Variants in ZNF790 observed in about 807,000 individuals in gnomAD.
The protein encoded by ZNF790 is zinc finger protein 790.
ZNF790 carries 8 observed loss-of-function variants against 12.1 expected under a neutral mutation model. The ratio of observed to expected loss-of-function variants is 0.66; its 90% CI spans 0.39 to 1.19. The LOEUF (loss-of-function observed/expected upper bound fraction) is 1.19. Among genes scored for constraint, ZNF790 ranks in the 50% most tolerant of loss-of-function variants. The pLI is 0.01. For missense variants in ZNF790, 707 were observed against 752.2 expected (o/e 0.94, Z 0.70); for synonymous variants, 252 against 244.3 (o/e 1.03, Z -0.29).
At chr19:36,846,237 T>C (rs962199678) in intron 1 of ZNF790, among the ~76,000 whole-genome samples, 1 of 152,166 alleles carries the variant, frequency 6.6e-6, no homozygotes, top group African/African-American at 2.4e-5. Flanking sequence ...ATTTTCCTAG[T>C]GCCTAGAATA....
At chr19:36,841,657 G>A (rs568757599), upstream of ZNF790, among the ~76,000 whole-genome samples, 165 of 151,316 alleles carry the variant, frequency 1.1e-3, no homozygotes, top group African/African-American at 3.8e-3. Context: ...CAAGGCAGGC[G>A]GATCACCTAA....
At chr19:36,829,659 T>A (rs762933320) in intron 1 of ZNF790, among the ~76,000 whole-genome samples, 1 of 152,148 alleles carries the variant, frequency 6.6e-6, no homozygotes, top group Non-Finnish European at 1.5e-5. Context: ...CCTCCACCTC[T>A]GGGGTTCAAG....
Position 36,819,229 on chromosome 19 carries a change from C to T in ZNF790, c.1115G>A (p.Gly372Glu). The change falls in exon 5 of 5, where the codon GGA becomes GAA. Residue 372 changes from glycine to glutamate, a missense_variant. Physicochemically the swap from Gly to Glu is moderately conservative, Grantham distance 98. Coordinates refer to ENST00000356725, the MANE Select transcript of ZNF790 (RefSeq NM_206894.4). Reference protein sequence around the residue: ...GEKSHECKECGKAFIRGSNLA... With the variant: ...GEKSHECKECEKAFIRGSNLA... ...ATTTGAACCACGAATAAAGGCTTTT[C>T]CACATTCCTTACACTCATGAGATTT... 1.2e-6 allele frequency: 2 copies of T among 1,614,098 alleles called. No individual in the cohort carries two copies. Among genetic ancestry groups the T allele is most frequent in the Non-Finnish European group, 1.7e-6 (2 of 1,180,016 alleles).
chr19:36,835,935 C>T (rs911156399), intron 1 of ZNF790, among the ~76,000 whole-genome samples: 2 of 151,840 alleles, frequency 1.3e-5, no homozygotes, highest in African/African-American at 2.4e-5. Context: ...GATAATCGCC[C>T]CCATTTCAAG....
chr19:36,834,042 A>G (rs1239953521), intron 1 of ZNF790, among the ~76,000 whole-genome samples: 1 of 152,118 alleles, frequency 6.6e-6, no homozygotes, highest in East Asian at 1.9e-4. Context: ...CAGGAGTTCG[A>G]GACCAGCCTG....
chr19:36,828,010 C>T (rs561459366), intron 1 of ZNF790: 4 of 152,198 alleles, frequency 2.6e-5, no homozygotes, highest in East Asian at 1.9e-4. Context: ...TCCTAGGAGA[C>T]AGACAGCTTC....
chr19:36,822,728 C>T (rs763803679), intron 4 of ZNF790, among the ~76,000 whole-genome samples: 8 of 151,454 alleles, frequency 5.3e-5, no homozygotes, highest in Admixed American at 1.3e-4. Flanking sequence ...TTAGTAGAGA[C>T]GAGGTTTCAC....
intron 1 of ZNF790, among the ~76,000 whole-genome samples, chr19:36,830,714 CA>C (rs987835365): frequency 3.3e-5 from 5 of 152,084 alleles, no homozygotes; most frequent in Non-Finnish European, 5.9e-5. Flanking sequence ...AACCCTTGAG[CA>C]AAAAAACCTT....
chr19:36,834,192 G>C (rs1396403222), intron 1 of ZNF790, among the ~76,000 whole-genome samples: 1 of 140,242 alleles, frequency 7.1e-6, no homozygotes, highest in Non-Finnish European at 1.5e-5. Flanking sequence ...GCGGTGAGCC[G>C]AGATCGCACC....
rs111300806 is a variant in ZNF790 at position 36,837,390 on chromosome 19, T to C, written c.-74+947A>G. Among the ~76,000 whole-genome samples the C allele has an allele frequency of 7.0e-3, 1,060 of 152,266 alleles. 8 individuals carry two copies. The highest frequency in any genetic ancestry group is 0.012 in the Admixed American group (190 of 15,294). On this transcript the variant is annotated intron_variant, in intron 1 of 4. Transcript: ENST00000356725. The stretch of plus-strand genomic sequence containing the variant: ...TTCCCCAGCTACAGCCTCTTACCAG[T>C]GGGTCTGAAAATGGAACAGATGGCC...
chr19:36,822,324 A>G (rs1281786283), intron 4 of ZNF790, among the ~76,000 whole-genome samples: 1 of 152,194 alleles, frequency 6.6e-6, no homozygotes, highest in Non-Finnish European at 1.5e-5. Context: ...TTAAATTTTA[A>G]AAAAGGGAGA....
At chr19:36,827,117 T>TACACACACACACACACACACAC (rs760453936) in intron 1 of ZNF790, among the ~76,000 whole-genome samples, 48 of 60,852 alleles carry the variant, frequency 7.9e-4, no homozygotes, top group Admixed American at 1.4e-3. Context: ...TATATACACA[T>TACACACACACACACACACACAC]ACACACACAC....
chr19:36,843,330 C>T (rs567610643), upstream of ZNF790, among the ~76,000 whole-genome samples: 4 of 152,280 alleles, frequency 2.6e-5, no homozygotes, highest in South Asian at 8.3e-4. Flanking sequence ...GGAACTTAGG[C>T]GGAAAGCTTC....
intron 3 of ZNF790, 142 bp downstream of exon 3, chr19:36,823,525 G>T: frequency 7.9e-7 from 1 of 1,271,752 alleles, no homozygotes; most frequent in Non-Finnish European, 1.1e-6. Flanking sequence ...AGTGCCCACT[G>T]ATGATAACTA....
chr19:36,822,559 A>G (rs953468909), intron 4 of ZNF790, among the ~76,000 whole-genome samples: 1 of 152,162 alleles, frequency 6.6e-6, no homozygotes. Context: ...TGTTTTTGAG[A>G]TGGAGTCTGA....
chr19:36,824,825 C>T (rs1424894855), intron 2 of ZNF790, among the ~76,000 whole-genome samples: 1 of 152,056 alleles, frequency 6.6e-6, no homozygotes, highest in Non-Finnish European at 1.5e-5. Flanking sequence ...GCATACAGAG[C>T]CTTTGGCCCA....
chr19:36,821,627 AGGTTG>A (rs1472481099), intron 4 of ZNF790, among the ~76,000 whole-genome samples: 1 of 152,084 alleles, frequency 6.6e-6, no homozygotes, highest in East Asian at 1.9e-4. Context: ...TCTGTCGCCC[AGGTTG>A]GAGTGCAGTG....
chr19:36,825,486 T>C (rs558581281), intron 2 of ZNF790, 125 bp downstream of exon 2: 53 of 1,034,036 alleles, frequency 5.1e-5, no homozygotes, highest in Non-Finnish European at 8.0e-5. Context: ...TTGGACTGTT[T>C]CACAGTCATT....
chr19:36,839,728 C>G (rs2072112608), upstream of ZNF790, among the ~76,000 whole-genome samples: 2 of 152,212 alleles, frequency 1.3e-5, no homozygotes, highest in African/African-American at 4.8e-5. Context: ...CCAGCTCCAG[C>G]TGATCTTTAG....
Sources: gnomAD v4.1 joint callset for allele counts (sites outside exome capture counted in the v4.1 genomes callset) on GRCh38, gnomAD v4.1.1 for gene constraint, MANE v1.5 for transcripts, NCBI Gene and HGNC (gene_info 2026-07-23, HGNC 2026-07-21) for gene names.